CNTN5: variants seen among roughly 807,000 people sequenced by gnomAD.
CNTN5 encodes contactin 5.
In CNTN5, 77 loss-of-function variants were observed where a neutral mutation model predicts 129.1. The observed-to-expected ratio is 0.60, with a 90% CI of 0.50 to 0.72. CNTN5 has a LOEUF of 0.72. Among genes scored for constraint, CNTN5 ranks in the 30% least tolerant of loss-of-function variants. The pLI is 0.00. For missense variants in CNTN5, 1,478 were observed against 1,328.8 expected (o/e 1.11, Z -1.75); for synonymous variants, 509 against 465.6 (o/e 1.09, Z -1.20).
intron 3 of CNTN5, among the ~76,000 whole-genome samples, chr11:99,566,127 G>A (rs1259020898): frequency 6.6e-6 from 1 of 152,104 alleles, no homozygotes; most frequent in Non-Finnish European, 1.5e-5. Flanking sequence ...TGGATCATGG[G>A]AGTAGATCCT....
At chr11:99,256,911 G>A (rs571972936) in intron 1 of CNTN5, among the ~76,000 whole-genome samples, 1 of 152,154 alleles carries the variant, frequency 6.6e-6, no homozygotes, top group South Asian at 2.1e-4. Flanking sequence ...ACAAGTAAAT[G>A]TTTGCACATA....
intron 1 of CNTN5, among the ~76,000 whole-genome samples, chr11:99,245,492 T>C (rs147522363): frequency 0.011 from 1,641 of 152,198 alleles, 34 homozygotes; most frequent in African/African-American, 0.037. Flanking sequence ...TAATTTTTTT[T>C]GTATTTTTAT....
At chr11:99,106,867 A>C (rs559680524) in intron 1 of CNTN5, among the ~76,000 whole-genome samples, 11 of 152,254 alleles carry the variant, frequency 7.2e-5, no homozygotes, top group African/African-American at 2.4e-4. Context: ...AGGTATTATT[A>C]GGTGTATAAA....
chr11:100,147,727 C>CTGAG (rs111771422), intron 13 of CNTN5, among the ~76,000 whole-genome samples: 49,523 of 151,284 alleles, frequency 0.33, 8,268 homozygotes, highest in Non-Finnish European at 0.35. Context: ...AAGAAAATGA[C>CTGAG]TAATAGGATT....
At chr11:99,765,027 T>TA (rs1266459437) in intron 3 of CNTN5, among the ~76,000 whole-genome samples, 3 of 152,122 alleles carry the variant, frequency 2.0e-5, no homozygotes, top group Non-Finnish European at 4.4e-5. Context: ...TCATCCTTTT[T>TA]ACTTAAGTTT....
At chr11:99,846,129 G>GAC (rs10650307) in intron 6 of CNTN5, among the ~76,000 whole-genome samples, 42,093 of 144,410 alleles carry the variant, frequency 0.29, 6,154 homozygotes, top group East Asian at 0.49. Context: ...TACGGACATA[G>GAC]ACACACACAC....
At chr11:99,125,611 T>G (rs1858586945) in intron 1 of CNTN5, among the ~76,000 whole-genome samples, 2 of 152,002 alleles carry the variant, frequency 1.3e-5, no homozygotes, top group African/African-American at 4.8e-5. Flanking sequence ...CTAGAGAAAT[T>G]AGGCAAGAGA....
At chr11:99,818,260 A>AT (rs1946658229) in intron 3 of CNTN5, among the ~76,000 whole-genome samples, 1 of 131,296 alleles carries the variant, frequency 7.6e-6, no homozygotes, top group Non-Finnish European at 1.7e-5. Context: ...GAACAAAACT[A>AT]CCTTTTTTTT....
chr11:99,409,147 AAG>A (rs1344630814), intron 2 of CNTN5, among the ~76,000 whole-genome samples: 1 of 152,244 alleles, frequency 6.6e-6, no homozygotes, highest in African/African-American at 2.4e-5. Context: ...TAGTTCAAAA[AAG>A]AGTTATTAGT....
chr11:99,230,629 T>C (rs1275925957), intron 1 of CNTN5, among the ~76,000 whole-genome samples: 1 of 152,190 alleles, frequency 6.6e-6, no homozygotes, highest in Non-Finnish European at 1.5e-5. Flanking sequence ...TATCAGTGTG[T>C]AAACATATTC....
chr11:99,119,042 G>A (rs184580557), intron 1 of CNTN5, among the ~76,000 whole-genome samples: 6 of 151,994 alleles, frequency 3.9e-5, no homozygotes, highest in Non-Finnish European at 8.8e-5. Flanking sequence ...AACCTATGAA[G>A]GCCTCACAAT....
intron 2 of CNTN5, among the ~76,000 whole-genome samples, chr11:99,366,500 A>G (rs1035273232): frequency 1.8e-4 from 27 of 152,174 alleles, no homozygotes; most frequent in African/African-American, 4.8e-4. Flanking sequence ...CTGATATCAA[A>G]GATGAAATAG....
intron 1 of CNTN5, among the ~76,000 whole-genome samples, chr11:99,299,344 G>T (rs1165074274): frequency 1.3e-5 from 2 of 151,896 alleles, no homozygotes; most frequent in African/African-American, 2.4e-5. Context: ...AATAGTAAAG[G>T]AACAGAAGTT....
chr11:100,141,753 G>C (rs760363496), intron 13 of CNTN5, among the ~76,000 whole-genome samples: 1 of 152,102 alleles, frequency 6.6e-6, no homozygotes, highest in Non-Finnish European at 1.5e-5. Flanking sequence ...GATTAAGTTA[G>C]GTAGCATATG....
intron 8 of CNTN5, among the ~76,000 whole-genome samples, chr11:100,001,701 AT>A (rs1939885991): frequency 6.6e-6 from 1 of 152,230 alleles, no homozygotes; most frequent in Non-Finnish European, 1.5e-5. Flanking sequence ...CAATAAGAAA[AT>A]TTTGATAACT....
chr11:99,794,162 G>A lies in CNTN5; in HGVS notation c.56-25382G>A, dbSNP rs182538336. ...TGTTGAATTGAACCATTTACTGTAA[G>A]GTAATGTCCTTCTTTGTCTTTTTTT... On this transcript the variant is annotated intron_variant, in intron 3 of 24. Coordinates refer to ENST00000524871, the MANE Select transcript of CNTN5 (RefSeq NM_014361.4). Among the ~76,000 whole-genome samples, 335 of 147,554 alleles carry A rather than the reference G, an allele frequency of 2.3e-3. 1 individual carries two copies. The highest frequency in any genetic ancestry group is 7.9e-3 in the African/African-American group (319 of 40,486).
At chr11:99,638,166 A>G (rs980958616) in intron 3 of CNTN5, among the ~76,000 whole-genome samples, 3 of 152,122 alleles carry the variant, frequency 2.0e-5, no homozygotes, top group East Asian at 1.9e-4. Flanking sequence ...TTCTTTGTAC[A>G]TGGTGGTGGC....
intron 2 of CNTN5, among the ~76,000 whole-genome samples, chr11:99,487,030 C>A (rs140876120): frequency 6.6e-6 from 1 of 152,258 alleles, no homozygotes; most frequent in East Asian, 1.9e-4. Context: ...CACACTGCAA[C>A]AACATGGTTG....
At chr11:99,819,501 G>C in intron 3 of CNTN5, 43 bp from the exon 4 acceptor site, 1 of 1,526,336 alleles carries the variant, frequency 6.6e-7, no homozygotes, top group Non-Finnish European at 9.0e-7. Flanking sequence ...AAATAAACTA[G>C]TTTCCTCAAA....
Sources: allele counts gnomAD v4.1 joint callset (sites outside exome capture counted in the v4.1 genomes callset), GRCh38; gene constraint gnomAD v4.1.1; transcripts MANE v1.5; gene names NCBI Gene and HGNC (gene_info 2026-07-23, HGNC 2026-07-21).